RNF212: variants seen among roughly 807,000 people sequenced by gnomAD.
RNF212 encodes ring finger protein 212, also known as probable E3 SUMO-protein ligase RNF212.
A neutral mutation model predicts 34.7 loss-of-function variants in RNF212; 33 were observed. The observed-to-expected ratio is 0.95, with a 90% CI of 0.72 to 1.27. The LOEUF is 1.27. Among genes scored for constraint, RNF212 ranks in the 50% most tolerant of loss-of-function variants. The pLI, the probability that RNF212 is intolerant of heterozygous loss-of-function variation, is 0.00. For missense variants in RNF212, 377 were observed against 362.2 expected (o/e 1.04, Z -0.33); for synonymous variants, 140 against 136.1 (o/e 1.03, Z -0.20).
At chr4:1,073,480 G>T in intron 9 of RNF212, 119 bp downstream of exon 9, 1 of 833,746 alleles carries the variant, frequency 1.2e-6, no homozygotes, top group Non-Finnish European at 2.0e-6. Flanking sequence ...CCATGCACCG[G>T]GTGGAAGGAC....
chr4:1,081,502 GCA>G (rs1462293958), intron 6 of RNF212, 35 bp from the exon 7 acceptor site: 1 of 1,611,096 alleles, frequency 6.2e-7, no homozygotes, highest in East Asian at 2.2e-5. Context: ...CAGCGTCAGT[GCA>G]CACAGTGTGA....
At chr4:1,093,773 G>T in intron 3 of RNF212, 1 of 1,536,316 alleles carries the variant, frequency 6.5e-7, no homozygotes, top group Middle Eastern at 1.7e-4. Flanking sequence ...GTGAATGAGG[G>T]TCCTGCTGGG....
chr4:1,102,226 G>A (rs1043621557), intron 2 of RNF212, among the ~76,000 whole-genome samples: 3 of 152,200 alleles, frequency 2.0e-5, no homozygotes, highest in East Asian at 1.9e-4. Context: ...AAATGGACAC[G>A]ATCAACAGAG....
rs1251663733 is a variant in RNF212 at position 1,072,963 on chromosome 4, G to T, written c.805C>A (p.Gln269Lys). The T allele has an allele frequency of 6.2e-7, 1 of 1,614,146 alleles. No individual in the cohort carries two copies. ...VQRAVLFPFQ[Q>K]AEGTLDTFRT... ...AACGTGTCCAGGGTGCCCTCAGCCT[G>T]CTGGAACGGAAACAAGACGGCCCTT... Residue 269 changes from glutamine to lysine, a missense_variant, in exon 10 of 10, where the codon CAG (glutamine) becomes AAG (lysine). Physicochemically the swap from Gln to Lys is moderately conservative, Grantham distance 53. Transcript: ENST00000433731.
downstream of RNF212, among the ~76,000 whole-genome samples, chr4:1,071,300 A>T (rs186761330): frequency 4.7e-4 from 72 of 152,174 alleles, no homozygotes; most frequent in Admixed American, 2.8e-3. Context: ...TATTCTTACA[A>T]TTTTTTCTGT....
intron 3 of RNF212, among the ~76,000 whole-genome samples, chr4:1,060,405 C>A (rs1243833059): frequency 2.6e-5 from 4 of 152,208 alleles, no homozygotes; most frequent in Admixed American, 1.3e-4. Context: ...GAGAAAGGGG[C>A]CGCCAGGGAT....
At position 1,073,676 on chromosome 4, in the gene RNF212, A is replaced by G. The variant is rs1339171671; in HGVS notation, c.511-14T>C. The stretch of plus-strand genomic sequence containing the variant: ...TGCTATCTCAGACTAAGAATGCAAC[A>G]AGAAAACAATGGGTAAAATTCCAAT... On this transcript the variant is annotated splice_polypyrimidine_tract_variant and intron_variant, in intron 8 of 9. Coordinates refer to ENST00000433731, the MANE Select transcript of RNF212 (RefSeq NM_001131034.4). 1 of 1,598,774 alleles carries G rather than the reference A, an allele frequency of 6.3e-7. No individual in the cohort carries two copies. The highest frequency in any genetic ancestry group is 2.2e-5 in the East Asian group (1 of 44,766).
chr4:1,084,420 G>C (rs1171535489), intron 5 of RNF212, among the ~76,000 whole-genome samples: 1 of 152,176 alleles, frequency 6.6e-6, no homozygotes, highest in Admixed American at 6.5e-5. Flanking sequence ...GCCATGGTCA[G>C]CTTGGCAGCT....
intron 2 of RNF212, among the ~76,000 whole-genome samples, chr4:1,098,182 C>T (rs935515766): frequency 4.9e-5 from 7 of 143,062 alleles, no homozygotes; most frequent in African/African-American, 1.5e-4. Flanking sequence ...GGACAGTGAG[C>T]GCATAGAGTC....
chr4:1,110,048 T>A (rs1361641314), intron 1 of RNF212, among the ~76,000 whole-genome samples: 1 of 152,106 alleles, frequency 6.6e-6, no homozygotes, highest in Non-Finnish European at 1.5e-5. Context: ...TTATGCACCA[T>A]CACAGCTAGG....
At position 1,113,460 on chromosome 4, in the gene RNF212, G is replaced by T; in HGVS notation, c.5C>A (p.Ala2Asp). The change falls in exon 1 of 10, where the codon GCC (alanine) becomes GAC (aspartate). Residue 2 changes from alanine to aspartate, a missense_variant. Physicochemically the swap from Ala to Asp is moderately radical, Grantham distance 126. Transcript: ENST00000433731. ...GCAGCGATTACAGAACACCCAGTTGGCCATGCCAGGCGGGCGACCGCAGCG... is the reference window on the plus strand; with the variant it reads ...GCAGCGATTACAGAACACCCAGTTGTCCATGCCAGGCGGGCGACCGCAGCG... MANWVFCNRCFQ... is the reference protein window; with the variant it reads MDNWVFCNRCFQ... 6.2e-7 allele frequency: 1 copy of T among 1,606,614 alleles called. No individual in the cohort carries two copies. Among genetic ancestry groups the T allele is most frequent in the Non-Finnish European group, 8.5e-7 (1 of 1,177,404 alleles).
chr4:1,078,202 C>A (rs1157873902), intron 8 of RNF212, among the ~76,000 whole-genome samples: 1 of 152,186 alleles, frequency 6.6e-6, no homozygotes, highest in Admixed American at 6.5e-5. Flanking sequence ...ATCAAATAAG[C>A]CAATAACTGG....
At chr4:1,060,447 T>C (rs13140341) in intron 3 of RNF212, among the ~76,000 whole-genome samples, 123,364 of 152,080 alleles carry the variant, frequency 0.81, 50,753 homozygotes, top group African/African-American at 0.94. Flanking sequence ...CACCCAGAGC[T>C]AGGCCAGCTC....
At chr4:1,109,673 A>G (rs1725351988) in intron 1 of RNF212, among the ~76,000 whole-genome samples, 1 of 152,022 alleles carries the variant, frequency 6.6e-6, no homozygotes, top group African/African-American at 2.4e-5. Context: ...CCCTCATATC[A>G]TCTACTCAGA....
intron 3 of RNF212, among the ~76,000 whole-genome samples, chr4:1,063,271 A>T (rs894989231): frequency 1.3e-5 from 2 of 152,258 alleles, no homozygotes; most frequent in Non-Finnish European, 2.9e-5. Context: ...AAAAGAACAA[A>T]GTTGGAAAAC....
chr4:1,068,835 G>A (rs1446764882), downstream of RNF212, among the ~76,000 whole-genome samples: 1 of 152,180 alleles, frequency 6.6e-6, no homozygotes, highest in African/African-American at 2.4e-5. Context: ...TCCTGGTTGA[G>A]GTTTTAAAAA....
At chr4:1,095,746 C>A (rs1223991160) in intron 3 of RNF212, among the ~76,000 whole-genome samples, 4 of 50,716 alleles carry the variant, frequency 7.9e-5, no homozygotes, top group Admixed American at 1.6e-4. Context: ...ACCAAGCACA[C>A]CTCCCACAGC....
intron 3 of RNF212, chr4:1,093,583 G>A (rs1188511671): frequency 1.8e-5 from 28 of 1,536,080 alleles, no homozygotes; most frequent in Non-Finnish European, 2.4e-5. Context: ...ACGAGAGGCA[G>A]AGCAGACAGG....
chr4:1,083,710 G>A (rs1720726117), intron 5 of RNF212, among the ~76,000 whole-genome samples: 1 of 152,076 alleles, frequency 6.6e-6, no homozygotes, highest in Non-Finnish European at 1.5e-5. Context: ...TGAAAATCAG[G>A]GAGCTGGAAG....
Sources: gnomAD v4.1 joint callset for allele counts (sites outside exome capture counted in the v4.1 genomes callset) on GRCh38, gnomAD v4.1.1 for gene constraint, MANE v1.5 for transcripts, NCBI Gene and HGNC (gene_info 2026-07-23, HGNC 2026-07-21) for gene names.